The following TLE4 variants were observed in gnomAD, a reference collection of about 807,000 sequenced individuals.
TLE4 encodes transducin-like enhancer protein 4.
A neutral mutation model predicts 92.8 loss-of-function variants in TLE4; 8 were observed. The observed-to-expected ratio is 0.09, with a 90% CI of 0.05 to 0.16. TLE4 has a LOEUF of 0.16. Among genes scored for constraint, TLE4 ranks in the 10% least tolerant of loss-of-function variants. The pLI is 1.00. For synonymous variants in TLE4, 371 were observed against 374.1 expected (o/e 0.99, Z 0.10); for missense variants, 675 against 997.6 (o/e 0.68, Z 4.36).
Position 79,609,870 on chromosome 9 carries a change from G to A in TLE4, c.253-2786G>A, listed in dbSNP as rs571865048. Among the ~76,000 whole-genome samples the A allele has an allele frequency of 3.9e-4, 60 of 152,176 alleles. 1 individual carries two copies. Among genetic ancestry groups the A allele is most frequent in the African/African-American group, 1.3e-3 (55 of 41,538 alleles). Reference sequence around the variant, plus strand: ...TTGATTGGAAGCTAACAGTACTGGCGTAGCCTGATGGATAGCAGATTAGAG... The same window carrying A: ...TTGATTGGAAGCTAACAGTACTGGCATAGCCTGATGGATAGCAGATTAGAG... On this transcript the variant is annotated intron_variant, in intron 4 of 19. Coordinates refer to ENST00000376552, the MANE Select transcript of TLE4 (RefSeq NM_007005.6).
At chr9:79,574,027 A>T (rs1237999549) in intron 2 of TLE4, 1 of 303,510 alleles carries the variant, frequency 3.3e-6, no homozygotes, top group African/African-American at 2.2e-5. Context: ...GGAGACTTGG[A>T]AAACGCTGAG....
chr9:79,673,286 T>C (rs2062720875), intron 8 of TLE4, among the ~76,000 whole-genome samples: 1 of 152,192 alleles, frequency 6.6e-6, no homozygotes, highest in African/African-American at 2.4e-5. Flanking sequence ...GATGTACAAA[T>C]CAAATCTGAT....
chr9:79,650,219 G>GT (rs929585598), intron 6 of TLE4, among the ~76,000 whole-genome samples: 53 of 150,992 alleles, frequency 3.5e-4, no homozygotes, highest in South Asian at 2.5e-3. Flanking sequence ...CCAGGCTTGG[G>GT]TTTTTTTTTG....
chr9:79,722,891 A>G (rs1238820516), intron 18 of TLE4, 68 bp from the exon 19 acceptor site: 17 of 1,455,506 alleles, frequency 1.2e-5, no homozygotes, highest in South Asian at 4.8e-5. Context: ...TTGGTGTTCT[A>G]TAAAGCAAAT....
chr9:79,572,978 C>T (rs570598047), intron 1 of TLE4, 143 bp downstream of exon 1: 12 of 838,812 alleles, frequency 1.4e-5, no homozygotes, highest in Non-Finnish European at 2.1e-5. Context: ...GCAGCCCGCC[C>T]GCCATCACCC....
intron 8 of TLE4, among the ~76,000 whole-genome samples, chr9:79,662,353 G>A (rs753999692): frequency 6.6e-6 from 1 of 152,130 alleles, no homozygotes; most frequent in Non-Finnish European, 1.5e-5. Flanking sequence ...AGTTAGTGAT[G>A]CCACCCAGTG....
intron 5 of TLE4, among the ~76,000 whole-genome samples, chr9:79,615,607 T>C (rs1399032006): frequency 6.6e-6 from 1 of 151,686 alleles, no homozygotes; most frequent in African/African-American, 2.4e-5. Flanking sequence ...CTGCTTAATA[T>C]TGCTTGCGTC....
intron 14 of TLE4, among the ~76,000 whole-genome samples, chr9:79,711,319 T>C (rs1441021965): frequency 5.9e-5 from 3 of 51,212 alleles, no homozygotes; most frequent in African/African-American, 2.5e-4. Context: ...GTGTGTGTTT[T>C]GCAAATAGTT....
intron 9 of TLE4, among the ~76,000 whole-genome samples, chr9:79,705,289 T>C (rs1029399376): frequency 5.3e-5 from 8 of 152,222 alleles, no homozygotes; most frequent in African/African-American, 1.9e-4. Flanking sequence ...CTGAAGGATA[T>C]ACCAAATGTT....
At chr9:79,716,924 T>C (rs1429202763) in intron 14 of TLE4, among the ~76,000 whole-genome samples, 17 of 152,210 alleles carry the variant, frequency 1.1e-4, no homozygotes, top group Admixed American at 1.1e-3. Flanking sequence ...ACTCAAGAAA[T>C]ATGTGTTAAG....
chr9:79,604,194 G>A (rs1319101666), intron 4 of TLE4, among the ~76,000 whole-genome samples: 1 of 152,110 alleles, frequency 6.6e-6, no homozygotes, highest in East Asian at 1.9e-4. Flanking sequence ...AATGATGGGT[G>A]GAGATGAGCC....
At chr9:79,637,134 TG>T (rs2056066765) in intron 6 of TLE4, among the ~76,000 whole-genome samples, 1 of 103,888 alleles carries the variant, frequency 9.6e-6, no homozygotes, top group African/African-American at 6.3e-5. Flanking sequence ...TTTTAAAACT[TG>T]GGGTCCTTTT....
intron 4 of TLE4, among the ~76,000 whole-genome samples, chr9:79,592,893 G>C (rs2043053493): frequency 6.6e-6 from 1 of 152,180 alleles, no homozygotes; most frequent in Admixed American, 6.5e-5. Context: ...GGCAACTACT[G>C]TGTTTCAAAA....
chr9:79,637,038 A>C (rs1315242586), intron 6 of TLE4, among the ~76,000 whole-genome samples: 1 of 106,330 alleles, frequency 9.4e-6, no homozygotes, highest in Non-Finnish European at 1.8e-5. Flanking sequence ...TTATAGTATG[A>C]TATTAGGAAT....
At chr9:79,724,504 G>C (rs1311598643) in intron 19 of TLE4, among the ~76,000 whole-genome samples, 1 of 152,018 alleles carries the variant, frequency 6.6e-6, no homozygotes, top group African/African-American at 2.4e-5. Context: ...CCTCCTGACT[G>C]ACCTGGTGAG....
intron 8 of TLE4, among the ~76,000 whole-genome samples, chr9:79,664,114 AG>A (rs2060996966): frequency 6.6e-6 from 1 of 152,206 alleles, no homozygotes; most frequent in Non-Finnish European, 1.5e-5. Flanking sequence ...CTGCGTGCAG[AG>A]GGGTAATCTG....
rs141246598 is a variant in TLE4 at position 79,658,555 on chromosome 9, G to A, written c.609+4480G>A. ...ATGTTGACAATAAAGGTTTATCAGC[G>A]GAAAATTAGAATAAGGTTGTTTTTA... is the stretch of plus-strand genomic sequence containing the variant. On this transcript the variant is annotated intron_variant, in intron 8 of 19. Coordinates refer to ENST00000376552, the MANE Select transcript of TLE4 (RefSeq NM_007005.6). Among the ~76,000 whole-genome samples the A allele has an allele frequency of 5.6e-4, 85 of 152,176 alleles. 1 individual carries two copies. The East Asian group carries it at 0.013, about 22-fold the overall frequency.
chr9:79,683,177 G>C (rs1374017829), intron 8 of TLE4, among the ~76,000 whole-genome samples: 2 of 152,206 alleles, frequency 1.3e-5, no homozygotes, highest in Non-Finnish European at 2.9e-5. Flanking sequence ...TAGACCATCA[G>C]TTTAACTCCC....
intron 4 of TLE4, among the ~76,000 whole-genome samples, chr9:79,579,386 C>T (rs2038969834): frequency 6.6e-6 from 1 of 152,082 alleles, no homozygotes; most frequent in Admixed American, 6.5e-5. Flanking sequence ...GCAGTGGTTA[C>T]CATTCTAAAA....
Sources: allele counts gnomAD v4.1 joint callset (sites outside exome capture counted in the v4.1 genomes callset), GRCh38; gene constraint gnomAD v4.1.1; transcripts MANE v1.5; gene names NCBI Gene and HGNC (gene_info 2026-07-23, HGNC 2026-07-21).